The following STARD13 variants were observed in gnomAD, a reference collection of about 807,000 sequenced individuals.
The protein encoded by STARD13 is StAR related lipid transfer domain containing 13.
Under a neutral mutation model 106.4 loss-of-function variants are expected in STARD13, and 62 were observed. That is an observed-to-expected ratio of 0.58 (90% confidence interval 0.48 to 0.72). STARD13 has a LOEUF of 0.72. STARD13 is among the 30% of genes least tolerant of loss of function. STARD13 has a pLI of 0.00. For missense variants in STARD13, 1,387 were observed against 1,424.0 expected (o/e 0.97, Z 0.42); for synonymous variants, 565 against 553.0 (o/e 1.02, Z -0.31).
At chr13:33,248,547 C>CA (rs1889944560) in intron 1 of STARD13, among the ~76,000 whole-genome samples, 1 of 152,198 alleles carries the variant, frequency 6.6e-6, no homozygotes, top group Non-Finnish European at 1.5e-5. Flanking sequence ...GAAGGAGCAG[C>CA]AGGGCCTCTG....
At chr13:33,454,576 C>T in the STARD13 span, among the ~76,000 whole-genome samples, 8 of 152,134 alleles carry the variant, frequency 5.3e-5, no homozygotes, top group South Asian at 1.7e-3. Flanking sequence ...AACTCAGTGG[C>T]CTGTCTGAGC....
At chr13:33,307,061 A>C (rs923961073) in intron 1 of STARD13, among the ~76,000 whole-genome samples, 26 of 152,232 alleles carry the variant, frequency 1.7e-4, no homozygotes, top group South Asian at 4.1e-4. Context: ...AAAAAAGCTC[A>C]ACATCACTGA....
At chr13:33,231,760 A>G (rs1468571542) in intron 1 of STARD13, among the ~76,000 whole-genome samples, 1 of 152,166 alleles carries the variant, frequency 6.6e-6, no homozygotes, top group African/African-American at 2.4e-5. Flanking sequence ...GGGCATTCCC[A>G]TAACTTTTCC....
At chr13:33,522,831 A>T in the STARD13 span, among the ~76,000 whole-genome samples, 1 of 152,130 alleles carries the variant, frequency 6.6e-6, no homozygotes, top group Non-Finnish European at 1.5e-5. Context: ...TCAGCATAAC[A>T]TGAATAGCTA....
At chr13:33,267,804 G>A (rs1282217554) in intron 1 of STARD13, among the ~76,000 whole-genome samples, 1 of 152,216 alleles carries the variant, frequency 6.6e-6, no homozygotes, top group African/African-American at 2.4e-5. Context: ...TTCTGGCCAT[G>A]GAAGATATGT....
chr13:33,266,970 GTC>G (rs1379097306), intron 1 of STARD13, among the ~76,000 whole-genome samples: 1 of 152,192 alleles, frequency 6.6e-6, no homozygotes, highest in Non-Finnish European at 1.5e-5. Flanking sequence ...GGAAAAAGTG[GTC>G]TCTGTTTCTG....
At chr13:33,214,692 GCACACATACACACACACACACACACA>G (rs1274332043) in intron 1 of STARD13, among the ~76,000 whole-genome samples, 116 of 103,330 alleles carry the variant, frequency 1.1e-3, no homozygotes, top group African/African-American at 5.1e-3. Context: ...ACACACACAT[GCACACATACACACACACACACACACA>G]CACACACACA....
chr13:33,339,075 C>G (rs940191835), intron 1 of STARD13, among the ~76,000 whole-genome samples: 1 of 152,014 alleles, frequency 6.6e-6, no homozygotes, highest in Non-Finnish European at 1.5e-5. Flanking sequence ...TTATTATGGG[C>G]CAGACACTGT....
At chr13:33,108,327 G>T (rs546384349) in intron 12 of STARD13, among the ~76,000 whole-genome samples, 15 of 152,258 alleles carry the variant, frequency 9.9e-5, no homozygotes, top group African/African-American at 3.6e-4. Flanking sequence ...AATTCCTGTT[G>T]TTGGGAACCA....
At chr13:33,343,593 A>AAAAC (rs1566150526) in intron 1 of STARD13, among the ~76,000 whole-genome samples, 5 of 93,772 alleles carry the variant, frequency 5.3e-5, no homozygotes, top group African/African-American at 2.3e-4. Flanking sequence ...AAAAAAAAAA[A>AAAAC]AAAACAAATC....
chr13:33,484,649 T>G, the STARD13 span, among the ~76,000 whole-genome samples: 1 of 152,164 alleles, frequency 6.6e-6, no homozygotes, highest in Non-Finnish European at 1.5e-5. Context: ...GAGGCTGATT[T>G]GAGTAGCAAT....
chr13:33,599,816 T>A, the STARD13 span, among the ~76,000 whole-genome samples: 1 of 152,228 alleles, frequency 6.6e-6, no homozygotes, highest in South Asian at 2.1e-4. Context: ...CATTTTATAC[T>A]TCTCAATATG....
the STARD13 span, among the ~76,000 whole-genome samples, chr13:33,364,856 T>C: frequency 6.6e-6 from 1 of 152,000 alleles, no homozygotes; most frequent in Admixed American, 6.6e-5. Flanking sequence ...GCCACTGCAC[T>C]CCAGCCTGGG....
At chr13:33,604,625 C>T in the STARD13 span, among the ~76,000 whole-genome samples, 6 of 151,930 alleles carry the variant, frequency 3.9e-5, no homozygotes, top group Admixed American at 1.3e-4. Context: ...AGCAAAACCC[C>T]GTCTTTACTA....
At chr13:33,360,502 C>T in the STARD13 span, among the ~76,000 whole-genome samples, 2 of 151,498 alleles carry the variant, frequency 1.3e-5, no homozygotes, top group African/African-American at 4.9e-5. Flanking sequence ...CTGCTCCTGG[C>T]CGGCAGTCGA....
intron 1 of STARD13, among the ~76,000 whole-genome samples, chr13:33,304,720 C>T (rs1416799121): frequency 6.6e-6 from 1 of 152,162 alleles, no homozygotes; most frequent in African/African-American, 2.4e-5. Flanking sequence ...CCCCACGAGA[C>T]ATTGCCTTGC....
chr13:33,466,728 AC>A, the STARD13 span, among the ~76,000 whole-genome samples: 34 of 152,342 alleles, frequency 2.2e-4, no homozygotes, highest in South Asian at 6.2e-4. Flanking sequence ...CTAAACCCCA[AC>A]AAAACAAGGA....
upstream of STARD13, among the ~76,000 whole-genome samples, chr13:33,355,039 C>T (rs1174072926): frequency 6.6e-6 from 1 of 152,014 alleles, no homozygotes. Context: ...GTGGGATAAA[C>T]ACACTATAAT....
chr13:33,488,041 C>T, the STARD13 span, among the ~76,000 whole-genome samples: 1 of 152,298 alleles, frequency 6.6e-6, no homozygotes, highest in East Asian at 1.9e-4. Context: ...TTCTATGATA[C>T]TGCCCTCTCC....
Sources: gnomAD v4.1 joint callset for allele counts (sites outside exome capture counted in the v4.1 genomes callset) on GRCh38, gnomAD v4.1.1 for gene constraint, MANE v1.5 for transcripts, NCBI Gene and HGNC (gene_info 2026-07-23, HGNC 2026-07-21) for gene names.